The following TRNT1 variants were observed in gnomAD, a reference collection of about 807,000 sequenced individuals.
The protein encoded by TRNT1 is tRNA nucleotidyl transferase 1.
Under a neutral mutation model 45.6 loss-of-function variants are expected in TRNT1, and 44 were observed. That is an observed-to-expected ratio of 0.97 (90% CI 0.76 to 1.24). The LOEUF is 1.24. Ranked by LOEUF, TRNT1 falls within the 50% of genes most tolerant of loss-of-function variation. The probability of loss-of-function intolerance (pLI) is 0.00; values close to 1 mark genes in which losing one functional copy is unlikely to be tolerated. For synonymous variants in TRNT1, 201 were observed against 171.4 expected, an observed-to-expected ratio of 1.17 and a Z score of -1.35; for missense variants, 633 against 504.4, an observed-to-expected ratio of 1.25 and a Z score of -2.44.
Position 3,146,480 on chromosome 3 carries a change from T to C in TRNT1, c.659T>C (p.Leu220Ser), listed in dbSNP as rs1706027249. 1.2e-6 allele frequency: 2 copies of C among 1,614,022 alleles called. No individual in the cohort carries two copies. Among genetic ancestry groups the C allele is most frequent in the Non-Finnish European group, 1.7e-6 (2 of 1,179,960 alleles). The change falls in exon 6 of 8, where the codon TTG becomes TCG. Residue 220 changes from leucine (L) to serine (S), a missense_variant. Transcript: ENST00000251607. ...DKPGDHDPETLEAIAENAKGL... is the reference protein window; with the variant it reads ...DKPGDHDPETSEAIAENAKGL... ...CCTGGTGACCATGATCCTGAGACTTTGGAAGCAATTGCAGAAAATGCAAAA... is the reference window on the plus strand; with the variant it reads ...CCTGGTGACCATGATCCTGAGACTTCGGAAGCAATTGCAGAAAATGCAAAA...
downstream of TRNT1, chr3:3,150,945 A>G (rs1706494771): frequency 6.2e-7 from 1 of 1,613,958 alleles, no homozygotes; most frequent in Non-Finnish European, 8.5e-7. Flanking sequence ...GATCGCGTTA[A>G]GCCCCAAAAT....
At position 3,148,890 on chromosome 3, in the gene TRNT1, G is replaced by A. The variant is rs554896442; in HGVS notation, c.*736G>A. On this transcript the variant is annotated 3_prime_UTR_variant, in exon 8 of 8. Transcript: ENST00000251607. ...TGGTATCTGACAATGTGTATTAGGT[G>A]TCATATACAATGGTAATATGCCTGT... 5.9e-5 allele frequency: 9 copies of A among 152,128 alleles called. No individual in the cohort carries two copies. The highest frequency in any genetic ancestry group is 2.2e-4 in the African/African-American group (9 of 41,516). 9.4% of individuals were successfully genotyped at this position (152,128 alleles called of 1,614,324 possible).
chr3:3,151,130 T>A, downstream of TRNT1: 1 of 1,381,998 alleles, frequency 7.2e-7, no homozygotes, highest in Non-Finnish European at 1.0e-6. Flanking sequence ...AGACAGACTT[T>A]AGAGGCAAAT....
At chr3:3,130,542 A>G (rs1466281370) in intron 2 of TRNT1, 1 of 152,530 alleles carries the variant, frequency 6.6e-6, no homozygotes, top group African/African-American at 2.4e-5. Flanking sequence ...CCGATGCTTC[A>G]CTATCTTTTT....
chr3:3,148,157 C>CTGA lies in TRNT1; in HGVS notation c.*6_*8dup. The CTGA allele has an allele frequency of 6.2e-7, 1 of 1,611,126 alleles. No homozygotes were observed. Among genetic ancestry groups the CTGA allele is most frequent in the Middle Eastern group, 1.7e-4 (1 of 5,878 alleles). Reference sequence around the variant, plus strand: ...TGAGTTACATAAAGAAGACCTAAAACTGATGGCTACTAAAAAGCAGAGCAT... The same window carrying CTGA: ...TGAGTTACATAAAGAAGACCTAAAACTGATGATGGCTACTAAAAAGCAGAGCAT... On this transcript the variant is annotated 3_prime_UTR_variant, in exon 8 of 8. Transcript: ENST00000251607.
chr3:3,135,671 T>G (rs911293930), intron 2 of TRNT1, among the ~76,000 whole-genome samples: 1 of 151,682 alleles, frequency 6.6e-6, no homozygotes, highest in African/African-American at 2.4e-5. Context: ...GGAAGAGGAG[T>G]GTGGGCAGGA....
At chr3:3,145,571 G>T (rs1441176799) in intron 5 of TRNT1, 9 of 150,776 alleles carry the variant, frequency 6.0e-5, no homozygotes, top group African/African-American at 2.2e-4. Context: ...GACTAGTTTT[G>T]TGGGTAGCAA....
At chr3:3,146,733 G>A in intron 6 of TRNT1, 110 bp downstream of exon 6, 1 of 1,055,210 alleles carries the variant, frequency 9.5e-7, no homozygotes, top group Non-Finnish European at 1.3e-6. Context: ...TTGGAGAAAT[G>A]GAGTATTTTA....
downstream of TRNT1, among the ~76,000 whole-genome samples, chr3:3,151,916 G>A (rs1669343): frequency 4.6e-5 from 7 of 152,066 alleles, no homozygotes; most frequent in South Asian, 2.1e-4. Context: ...AACATTCTCC[G>A]GTTTTACATT....
intron 2 of TRNT1, chr3:3,129,435 T>G (rs1041491290): frequency 6.8e-6 from 3 of 444,350 alleles, no homozygotes; most frequent in Admixed American, 3.6e-5. Context: ...GTTTTCATTG[T>G]TGGAAGAAAG....
chr3:3,139,087 T>G (rs1705491502), intron 3 of TRNT1, among the ~76,000 whole-genome samples: 1 of 152,212 alleles, frequency 6.6e-6, no homozygotes, highest in Admixed American at 6.5e-5. Flanking sequence ...TAATTTTCAC[T>G]TGAATCTTGT....
At chr3:3,149,573 C>CTGGAGTAAGTAAGTTTT (rs1553557091), downstream of TRNT1, 2 of 152,002 alleles carry the variant, frequency 1.3e-5, no homozygotes, top group African/African-American at 2.4e-5. Context: ...CAGGAACTTC[C>CTGGAGTAAGTAAGTTTT]TGGAGTAAGT....
Position 3,147,927 on chromosome 3 carries a change from A to T in TRNT1, c.1078A>T (p.Thr360Ser). ...IIDSREPDATTRVCELLKYQG... is the reference protein window; with the variant it reads ...IIDSREPDATSRVCELLKYQG... ...GTAGTCTAGGGAACCTGATGCAACTACTCGTGTATGTGAACTACTGAAGTA... is the reference window on the plus strand; with the variant it reads ...GTAGTCTAGGGAACCTGATGCAACTTCTCGTGTATGTGAACTACTGAAGTA... The change falls in exon 8 of 8, where the codon ACT (threonine) becomes TCT (serine). Residue 360 changes from threonine (T) to serine (S), a missense_variant. Coordinates refer to ENST00000251607, the MANE Select transcript of TRNT1 (RefSeq NM_182916.3). 3 of 1,613,308 alleles carry T rather than the reference A, an allele frequency of 1.9e-6. No individual in the cohort carries two copies. Among genetic ancestry groups the T allele is most frequent in the Non-Finnish European group, 2.5e-6 (3 of 1,179,606 alleles).
intron 1 of TRNT1, among the ~76,000 whole-genome samples, chr3:3,128,181 C>T (rs1027548435): frequency 6.6e-5 from 10 of 152,182 alleles, no homozygotes; most frequent in Non-Finnish European, 1.5e-4. Flanking sequence ...TATATTCTCT[C>T]CTGCTAAATC....
chr3:3,140,458 G>C lies in TRNT1; in HGVS notation c.343-52G>C, dbSNP rs1427860320. 6 of 1,582,892 alleles carry C rather than the reference G, an allele frequency of 3.8e-6. No homozygotes were observed. In the Admixed American group the frequency reaches 5.3e-5, roughly 14 times the overall value. On this transcript the variant is annotated intron_variant, in intron 3 of 7. Transcript: ENST00000251607. ...AAAACTTATTTTTTTCAATTCAGTA[G>C]TATGAAAACCTAATTTAAATGACAA...
At chr3:3,133,066 C>G (rs1410387095) in intron 2 of TRNT1, among the ~76,000 whole-genome samples, 1 of 152,072 alleles carries the variant, frequency 6.6e-6, no homozygotes, top group Non-Finnish European at 1.5e-5. Flanking sequence ...TATAGTGATA[C>G]TTGGAGTTTA....
In TRNT1 at chr3:3,144,833, G is replaced by A. The variant is rs901730904; in HGVS notation, c.608+123G>A. ...GTGACATCCCAAATGTCTGTCTCCA[G>A]TGGAGACCTAGCACCCTATGACTTA... On this transcript the variant is annotated intron_variant, in intron 5 of 7. Coordinates refer to ENST00000251607, the MANE Select transcript of TRNT1 (RefSeq NM_182916.3). 7 of 977,146 alleles carry A rather than the reference G, an allele frequency of 7.2e-6. No individual in the cohort carries two copies. The African/African-American group carries it at 8.5e-5, about 12-fold the overall frequency. 60.5% of individuals were successfully genotyped at this position (977,146 alleles called of 1,614,324 possible).
At chr3:3,143,302 T>G (rs972475755) in intron 4 of TRNT1, among the ~76,000 whole-genome samples, 21 of 152,242 alleles carry the variant, frequency 1.4e-4, no homozygotes, top group Non-Finnish European at 2.1e-4. Flanking sequence ...CAAACCAGTA[T>G]GAAGTGGTCA....
downstream of TRNT1, chr3:3,150,768 TTATGTTTACTTAGG>T: frequency 8.6e-7 from 1 of 1,161,196 alleles, no homozygotes; most frequent in South Asian, 1.4e-5. Context: ...GGTATTAATG[TTATGTTTACTTAGG>T]TATGTATCAG....
Sources: gnomAD v4.1 joint callset for allele counts (sites outside exome capture counted in the v4.1 genomes callset) on GRCh38, gnomAD v4.1.1 for gene constraint, MANE v1.5 for transcripts, NCBI Gene and HGNC (gene_info 2026-07-23, HGNC 2026-07-21) for gene names.